Variants in CADM2 observed in about 807,000 individuals in gnomAD.
The protein encoded by CADM2 is immunoglobulin superfamily member 4D.
In CADM2, 12 loss-of-function variants were observed where a neutral mutation model predicts 49.8. That is an observed-to-expected ratio of 0.24 (90% CI 0.15 to 0.39). The LOEUF (loss-of-function observed/expected upper bound fraction) is 0.39. Among genes scored for constraint, CADM2 ranks in the 10% least tolerant of loss-of-function variants. The pLI is 1.00. For missense variants in CADM2, 378 were observed against 492.3 expected, an observed-to-expected ratio of 0.77 and a Z score of 2.20; for synonymous variants, 214 against 175.4, an observed-to-expected ratio of 1.22 and a Z score of -1.74.
chr3:85,598,273 C>G (rs2063300444), intron 1 of CADM2, among the ~76,000 whole-genome samples: 1 of 151,978 alleles, frequency 6.6e-6, no homozygotes, highest in Non-Finnish European at 1.5e-5. Context: ...TGCTTAGAAA[C>G]TCTCATACAC....
chr3:85,609,390 G>A (rs761941613), intron 1 of CADM2, among the ~76,000 whole-genome samples: 92 of 151,986 alleles, frequency 6.1e-4, no homozygotes, highest in Admixed American at 3.1e-3. Context: ...CCTTAAGCAG[G>A]AAGAACAGTA....
At chr3:84,991,936 C>A (rs1351092765) in intron 1 of CADM2, among the ~76,000 whole-genome samples, 2 of 152,094 alleles carry the variant, frequency 1.3e-5, no homozygotes, top group South Asian at 2.1e-4. Context: ...ATATGATATT[C>A]TGGAAAAGGT....
intron 1 of CADM2, among the ~76,000 whole-genome samples, chr3:85,137,927 T>C (rs960283971): frequency 6.6e-6 from 1 of 152,142 alleles, no homozygotes; most frequent in African/African-American, 2.4e-5. Context: ...ATTATTAATA[T>C]CCTTAATCTC....
At chr3:85,096,929 TAG>T (rs1285236339) in intron 1 of CADM2, among the ~76,000 whole-genome samples, 4 of 152,160 alleles carry the variant, frequency 2.6e-5, no homozygotes, top group Admixed American at 6.6e-5. Context: ...CTTTTATGTT[TAG>T]AGTGATAGGA....
intron 1 of CADM2, among the ~76,000 whole-genome samples, chr3:85,132,767 G>A (rs867331555): frequency 6.6e-6 from 1 of 152,094 alleles, no homozygotes; most frequent in African/African-American, 2.4e-5. Flanking sequence ...CCATACGTAA[G>A]AGGAAACTAA....
At chr3:85,506,342 C>A (rs2040350558) in intron 1 of CADM2, among the ~76,000 whole-genome samples, 1 of 152,112 alleles carries the variant, frequency 6.6e-6, no homozygotes, top group Non-Finnish European at 1.5e-5. Context: ...ATGTTATAAA[C>A]AAGTTTGACC....
At chr3:85,726,214 T>G (rs1314551041) in intron 1 of CADM2, among the ~76,000 whole-genome samples, 1 of 151,994 alleles carries the variant, frequency 6.6e-6, no homozygotes, top group East Asian at 1.9e-4. Flanking sequence ...AATTGATTAT[T>G]AAATAAAATT....
In CADM2 at chr3:85,652,772, C is replaced by CTTTT. The variant is rs34756757; in HGVS notation, c.62-73729_62-73726dup. 8.3e-3 allele frequency among the ~76,000 whole-genome samples: 420 copies of CTTTT among 50,748 alleles called. 88 individuals are homozygous for CTTTT. The highest frequency in any genetic ancestry group is 0.029 in the African/African-American group (370 of 12,722). The allele number at this position is 50,748 out of a possible 152,430, so 33.3% of individuals were successfully genotyped here. A position where few individuals can be genotyped will look rare whatever the true frequency, so the allele number is the denominator to read the frequency against. On this transcript the variant is annotated intron_variant, in intron 1 of 9. Transcript: ENST00000383699. ...TAACCTGAAAATCTTTTTTTCTTTT[C>CTTTT]TTTTTTTTTTTTTTTTTTTTTTTTA...
chr3:85,981,625 A>G (rs1434060209), intron 8 of CADM2, among the ~76,000 whole-genome samples: 2 of 151,582 alleles, frequency 1.3e-5, no homozygotes, highest in Non-Finnish European at 1.5e-5. Context: ...TTTCTGTTCC[A>G]CATTAATTTG....
At chr3:85,240,122 C>T (rs1331891362) in intron 1 of CADM2, among the ~76,000 whole-genome samples, 2 of 151,382 alleles carry the variant, frequency 1.3e-5, no homozygotes, top group Non-Finnish European at 3.0e-5. Context: ...TTACCAGATT[C>T]AAGTGTAATC....
intron 1 of CADM2, among the ~76,000 whole-genome samples, chr3:85,710,752 A>G (rs1329907418): frequency 6.6e-6 from 1 of 152,164 alleles, no homozygotes; most frequent in East Asian, 1.9e-4. Context: ...TACTCATTGC[A>G]TTTTTAAGTA....
intron 1 of CADM2, among the ~76,000 whole-genome samples, chr3:85,054,354 T>C (rs1432903918): frequency 6.6e-6 from 1 of 151,820 alleles, no homozygotes; most frequent in Non-Finnish European, 1.5e-5. Context: ...ATATAAGGCT[T>C]ATAGTAAATG....
At chr3:85,800,536 A>T (rs1032553562) in intron 2 of CADM2, 2 of 152,666 alleles carry the variant, frequency 1.3e-5, no homozygotes, top group Non-Finnish European at 2.9e-5. Flanking sequence ...CCCTTGTGGT[A>T]TAGGCACCCG....
At chr3:86,051,717 C>T (rs950249821) in intron 8 of CADM2, among the ~76,000 whole-genome samples, 2 of 152,100 alleles carry the variant, frequency 1.3e-5, no homozygotes, top group African/African-American at 2.4e-5. Flanking sequence ...GGAGCCAGAA[C>T]TTCACATGGC....
chr3:85,773,386 C>T (rs1358898909), intron 2 of CADM2, among the ~76,000 whole-genome samples: 1 of 151,976 alleles, frequency 6.6e-6, no homozygotes, highest in Non-Finnish European at 1.5e-5. Context: ...GTTTTCATAG[C>T]TAGCAGTCTC....
At chr3:85,530,486 A>G (rs1177097288) in intron 1 of CADM2, among the ~76,000 whole-genome samples, 1 of 151,416 alleles carries the variant, frequency 6.6e-6, no homozygotes, top group African/African-American at 2.4e-5. Context: ...GCCCGCCACC[A>G]CACCCTGCTA....
chr3:85,188,055 A>G lies in CADM2; in HGVS notation c.61+228387A>G, dbSNP rs537736975. ...ATATAAATTAATATTTCTAGAGTCA[A>G]TATTTTCAGTGTAATGCTAGAAATA... On this transcript the variant is annotated intron_variant, in intron 1 of 9. Coordinates refer to ENST00000383699, the MANE Select transcript of CADM2 (RefSeq NM_001167675.2). Among the ~76,000 whole-genome samples the G allele has an allele frequency of 1.7e-4, 26 of 152,140 alleles. No individual in the cohort carries two copies. In the South Asian group the frequency reaches 3.3e-3, roughly 19 times the overall value.
chr3:85,644,397 T>C (rs1479275920), intron 1 of CADM2, among the ~76,000 whole-genome samples: 1 of 152,040 alleles, frequency 6.6e-6, no homozygotes, highest in Non-Finnish European at 1.5e-5. Context: ...CACACTGGGG[T>C]TTAGGGCTTC....
At chr3:85,010,471 C>A (rs2033935244) in intron 1 of CADM2, among the ~76,000 whole-genome samples, 2 of 152,124 alleles carry the variant, frequency 1.3e-5, no homozygotes, top group Admixed American at 1.3e-4. Flanking sequence ...GGGCTAAGAG[C>A]ACTTCTACCT....
Sources: gnomAD v4.1 joint callset for allele counts (sites outside exome capture counted in the v4.1 genomes callset) on GRCh38, gnomAD v4.1.1 for gene constraint, MANE v1.5 for transcripts, NCBI Gene and HGNC (gene_info 2026-07-23, HGNC 2026-07-21) for gene names.